Variants in CEP131 observed in about 807,000 individuals in gnomAD.
CEP131 encodes the protein centrosomal protein of 131 kDa.
A neutral mutation model predicts 136.8 loss-of-function variants in CEP131; 99 were observed. The observed-to-expected ratio is 0.72, with a 90% CI of 0.62 to 0.86. CEP131 has a LOEUF of 0.86. Among genes scored for constraint, CEP131 ranks in the 40% least tolerant of loss-of-function variants. The pLI, the probability that CEP131 is intolerant of heterozygous loss-of-function variation, is 0.00. For missense variants in CEP131, 1,459 were observed against 1,463.0 expected (o/e 1.00, Z 0.04); for synonymous variants, 646 against 612.7 (o/e 1.05, Z -0.80).
chr17:81,200,526 G>T (rs530555260), intron 7 of CEP131, 80 bp from the exon 8 acceptor site: 23 of 1,105,444 alleles, frequency 2.1e-5, no homozygotes, highest in African/African-American at 4.8e-5. Context: ...GGAAGGTCGA[G>T]CCGGGGAAGA....
At chr17:81,205,784 A>G (rs556655243) in intron 5 of CEP131, among the ~76,000 whole-genome samples, 27 of 152,216 alleles carry the variant, frequency 1.8e-4, no homozygotes, top group Non-Finnish European at 3.2e-4. Flanking sequence ...CTGTGGTCCC[A>G]GCTGCTCCGA....
Position 81,194,954 on chromosome 17 carries a change from C to T in CEP131, c.2035G>A (p.Glu679Lys), listed in dbSNP as rs1430263128. 8 of 1,570,334 alleles carry T rather than the reference C, an allele frequency of 5.1e-6. No individual in the cohort carries two copies. Among genetic ancestry groups the T allele is most frequent in the Non-Finnish European group, 6.9e-6 (8 of 1,161,484 alleles). Residue 679 changes from glutamate to lysine, a missense_variant, in exon 17 of 26, where the codon GAA (glutamate) becomes AAA (lysine). Coordinates refer to ENST00000450824, the MANE Select transcript of CEP131 (RefSeq NM_014984.4). ...GCTTTCTCGGTGGCGCTCATTAATTCTTTGAGTTTTTTAATCTCCTACGAG... is the reference window on the plus strand; with the variant it reads ...GCTTTCTCGGTGGCGCTCATTAATTTTTTGAGTTTTTTAATCTCCTACGAG... ...QHELEIKKLK[E>K]LMSATEKARR...
rs1032804988 is a variant in CEP131 at position 81,198,195 on chromosome 17, G to A, written c.1390C>T (p.Leu464=). 3.0e-5 allele frequency: 47 copies of A among 1,589,276 alleles called. No homozygotes were observed. The highest frequency in any genetic ancestry group is 3.9e-5 in the Non-Finnish European group (45 of 1,167,718). Reference sequence around the variant, plus strand: ...TCCGGCTCCTTCTCCAGCAGCTGCAGTGTGTGCAGCAGCTCCTCCAGTGGC... The same window carrying A: ...TCCGGCTCCTTCTCCAGCAGCTGCAATGTGTGCAGCAGCTCCTCCAGTGGC... ...RGPLEELLHT[L]QLLEKEPDVL... is the part of the protein sequence containing the mutation. Residue 464 remains leucine, a synonymous_variant, in exon 12 of 26, where the codon CTG becomes TTG. Transcript: ENST00000450824.
chr17:81,197,118 C>A (rs1219292993), intron 13 of CEP131, 63 bp from the exon 14 acceptor site: 4 of 1,531,384 alleles, frequency 2.6e-6, no homozygotes, highest in African/African-American at 1.4e-5. Flanking sequence ...AAGGACCTGA[C>A]ACGATGCCCC....
At chr17:81,205,459 AGGGGCGGCGCGGGGG>A in intron 5 of CEP131, among the ~76,000 whole-genome samples, 2 of 13,878 alleles carry the variant, frequency 1.4e-4, no homozygotes, top group African/African-American at 6.7e-4. Context: ...GGGGGGTAGG[AGGGGCGGCGCGGGGG>A]TAGGAGGGGC....
intron 15 of CEP131, 124 bp from the exon 16 acceptor site, chr17:81,196,075 C>G: frequency 1.3e-6 from 1 of 756,690 alleles, no homozygotes; most frequent in Non-Finnish European, 2.1e-6. Flanking sequence ...GCTGCCCCTC[C>G]TAGGTTTGTG....
rs374960782 is a variant in CEP131 at position 81,190,884 on chromosome 17, C to T, written c.2943+23G>A. 7.7e-4 allele frequency: 1,222 copies of T among 1,595,934 alleles called. 2 individuals are homozygous for T. Among genetic ancestry groups the T allele is most frequent in the Non-Finnish European group, 9.5e-4 (1,119 of 1,171,964 alleles). ...GGAGGGGCCTGTGGGTGCCCACTGC[C>T]CACCTGACACCCGCCCACTCACCGC... On this transcript the variant is annotated intron_variant, in intron 23 of 25. Coordinates refer to ENST00000450824, the MANE Select transcript of CEP131 (RefSeq NM_014984.4).
At chr17:81,206,444 C>A (rs994548633) in intron 5 of CEP131, among the ~76,000 whole-genome samples, 1 of 152,166 alleles carries the variant, frequency 6.6e-6, no homozygotes, top group Admixed American at 6.5e-5. Context: ...CCAGGACCCC[C>A]TACAAGCCTC....
chr17:81,202,348 C>T lies in CEP131; in HGVS notation c.680G>A (p.Gly227Glu). 6.2e-7 allele frequency: 1 copy of T among 1,613,692 alleles called. No homozygotes were observed. Among genetic ancestry groups the T allele is most frequent in the East Asian group, 2.2e-5 (1 of 44,858 alleles). The part of the protein sequence containing the change: ...TCEGSESSGF[G>E]KLPKNVSSAT... ...ACTGGAGACATTCTTCGGCAGCTTC[C>T]CAAAGCCGCTGCTCTCACTGCCCTC... is the stretch of plus-strand genomic sequence containing the variant. Residue 227 changes from glycine to glutamate, a missense_variant, in exon 7 of 26, where the codon GGG (glycine) becomes GAG (glutamate). Gly to Glu is a moderately conservative substitution (Grantham distance 98, BLOSUM62 -2). This residue lies in a region of CEP131 where 246 missense variants were observed against 318.9 expected (regional missense o/e 0.77). Transcript: ENST00000450824.
At position 81,215,936 on chromosome 17, in the gene CEP131, G is replaced by C. The variant is rs540768090; in HGVS notation, c.177+3944C>G. Among the ~76,000 whole-genome samples, 3 of 152,268 alleles carry C rather than the reference G, an allele frequency of 2.0e-5. No individual in the cohort carries two copies. The East Asian group carries it at 5.8e-4, about 29-fold the overall frequency. On this transcript the variant is annotated intron_variant, in intron 2 of 25. Transcript: ENST00000450824. The surrounding 1 kb of genome is among the most constrained non-coding windows in gnomAD (Gnocchi z 4.1). The stretch of plus-strand genomic sequence containing the variant: ...TGCTACAAAACAATGTAAGGAAAGC[G>C]GGAGCAGGGTCAGGTGCAGCGGCCC...
chr17:81,221,569 TCTC>T (rs137874225), intron 1 of CEP131, among the ~76,000 whole-genome samples: 1,884 of 152,222 alleles, frequency 0.012, 30 homozygotes, highest in East Asian at 0.056. Context: ...CCTCCCTGGT[TCTC>T]CTCAAACTCA....
chr17:81,219,460 AT>A lies in CEP131; in HGVS notation c.177+419del, dbSNP rs1320452900. 2.7e-5 allele frequency among the ~76,000 whole-genome samples: 4 copies of A among 150,860 alleles called. No homozygotes were observed. The highest frequency in any genetic ancestry group is 2.1e-4 in the South Asian group (1 of 4,752). On this transcript the variant is annotated intron_variant, in intron 2 of 25. Transcript: ENST00000450824. This position sits in a 1 kb window ranked among gnomAD's most constrained non-coding sequence, Gnocchi z 4.0. Reference sequence around the variant, plus strand: ...AGGCATGCACCACCATGCCCGGCTAATTTTTTTTTGTATCTTTAGTAGAGAC... The same window carrying A: ...AGGCATGCACCACCATGCCCGGCTAATTTTTTTTGTATCTTTAGTAGAGAC...
chr17:81,204,792 C>G lies in CEP131; in HGVS notation c.516-1185G>C, dbSNP rs549301792. Among the ~76,000 whole-genome samples, 3 of 151,816 alleles carry G rather than the reference C, an allele frequency of 2.0e-5. No individual in the cohort carries two copies. In the East Asian group the frequency reaches 5.8e-4, roughly 29 times the overall value. On this transcript the variant is annotated intron_variant, in intron 5 of 25. Coordinates refer to ENST00000450824, the MANE Select transcript of CEP131 (RefSeq NM_014984.4). The stretch of plus-strand genomic sequence containing the variant: ...CCGGACCGCACCAGGCACCAGCCCA[C>G]GCCCAGCACCAGCCTGGCCTGCACC...
intron 2 of CEP131, among the ~76,000 whole-genome samples, chr17:81,218,458 G>C (rs1366236656): frequency 6.6e-6 from 1 of 152,264 alleles, no homozygotes; most frequent in Non-Finnish European, 1.5e-5. Flanking sequence ...GCAGGAGCAG[G>C]GCTGCGGACA....
chr17:81,214,556 C>A (rs1598320371), intron 2 of CEP131, among the ~76,000 whole-genome samples: 1 of 150,722 alleles, frequency 6.6e-6, no homozygotes, highest in Non-Finnish European at 1.5e-5. Context: ...AACTTCATCT[C>A]AAAAAAGAAA....
chr17:81,196,106 G>A (rs574245527), intron 15 of CEP131, among the ~76,000 whole-genome samples, 155 bp from the exon 16 acceptor site: 6 of 152,280 alleles, frequency 3.9e-5, no homozygotes, highest in African/African-American at 1.4e-4. Flanking sequence ...GGGGCCAGTG[G>A]GGGGGCACGT....
Position 81,199,828 on chromosome 17 carries a change from CG to C in CEP131, c.913del (p.Arg305GlyfsTer45), listed in dbSNP as rs1567861478. On this transcript the variant is annotated frameshift_variant, in exon 9 of 26. Transcript: ENST00000450824. LOFTEE classifies it high-confidence loss of function. ...GAGGGTCCCCTCGCCTGACCGCTGC[CG>C]CTGCTCCTGCCAAAGAAGCCGGTGC... is the stretch of plus-strand genomic sequence containing the variant. ...HLLQAKREEQRQRSGEGTLLD... is the reference protein window; with the variant it reads ...HLLQAKREEQXQRSGEGTLLD... The C allele has an allele frequency of 1.9e-6, 3 of 1,610,922 alleles. No individual in the cohort carries two copies. Among genetic ancestry groups the C allele is most frequent in the Non-Finnish European group, 2.5e-6 (3 of 1,179,904 alleles).
intron 21 of CEP131, among the ~76,000 whole-genome samples, chr17:81,191,926 C>A (rs2061649390): frequency 6.6e-6 from 1 of 152,110 alleles, no homozygotes; most frequent in Non-Finnish European, 1.5e-5. Flanking sequence ...GGGACTGTCA[C>A]CGTGGCAGAG....
chr17:81,208,934 G>A lies in CEP131; in HGVS notation c.266C>T (p.Ser89Phe). The change falls in exon 3 of 26, where the codon TCC becomes TTC. Residue 89 changes from serine to phenylalanine, a missense_variant. Coordinates refer to ENST00000450824, the MANE Select transcript of CEP131 (RefSeq NM_014984.4). The surrounding 1 kb of genome is among the most constrained non-coding windows in gnomAD (Gnocchi z 5.6). ...CAAGGGCCTTAGGGGTTACCTGGGG[G>A]AGCCGCTCCGAGGCTGGCTGACCTG... The part of the protein sequence containing the change: ...TTQVSQPRSG[S>F]PRPTEPTDFL... 6.2e-7 allele frequency: 1 copy of A among 1,613,450 alleles called. No individual in the cohort carries two copies. The highest frequency in any genetic ancestry group is 8.5e-7 in the Non-Finnish European group (1 of 1,179,814).
Sources: allele counts gnomAD v4.1 joint callset (sites outside exome capture counted in the v4.1 genomes callset), GRCh38; gene constraint gnomAD v4.1.1; regional missense constraint gnomAD v4.1.1; non-coding constraint Gnocchi (gnomAD v3.1); transcripts MANE v1.5; gene names NCBI Gene and HGNC (gene_info 2026-07-23, HGNC 2026-07-21).